Variants in MAP2K3 observed in about 807,000 individuals in gnomAD.
The protein encoded by MAP2K3 is dual specificity mitogen-activated protein kinase kinase 3.
A neutral mutation model predicts 46.4 loss-of-function variants in MAP2K3; 30 were observed. That is an observed-to-expected ratio of 0.65 (90% CI 0.48 to 0.88). The LOEUF (loss-of-function observed/expected upper bound fraction) is 0.88, where lower values mean the gene tolerates loss of function less well. Ranked by LOEUF, MAP2K3 falls within the 40% of genes least tolerant of loss-of-function variation. MAP2K3 has a pLI of 0.00. For missense variants in MAP2K3, 380 were observed against 464.5 expected (o/e 0.82, Z 1.67); for synonymous variants, 189 against 176.3 (o/e 1.07, Z -0.57).
intron 8 of MAP2K3, among the ~76,000 whole-genome samples, 193 bp downstream of exon 8, chr17:21,304,746 C>T (rs1318714930): frequency 6.6e-6 from 1 of 152,312 alleles, no homozygotes; most frequent in Non-Finnish European, 1.5e-5. Context: ...TAACTGACCC[C>T]CACAGTGCCC....
At chr17:21,285,663 T>C (rs1597795312) in intron 1 of MAP2K3, among the ~76,000 whole-genome samples, 1 of 152,182 alleles carries the variant, frequency 6.6e-6, no homozygotes, top group East Asian at 1.9e-4. Context: ...GCCCCCTCTC[T>C]ACCGGCCTCT....
intron 10 of MAP2K3, among the ~76,000 whole-genome samples, chr17:21,313,025 G>A (rs1265103476): frequency 1.3e-5 from 2 of 152,088 alleles, no homozygotes; most frequent in South Asian, 2.1e-4. Flanking sequence ...AGAAGCGGCC[G>A]GGTGCGGTGG....
chr17:21,290,468 G>T (rs865936138), intron 1 of MAP2K3, among the ~76,000 whole-genome samples: 117 of 152,416 alleles, frequency 7.7e-4, no homozygotes, highest in African/African-American at 2.7e-3. Flanking sequence ...GGGAAAGTCT[G>T]CAGGGACTTC....
intron 5 of MAP2K3, 55 bp downstream of exon 5, chr17:21,301,048 T>G (rs1976571332): frequency 6.2e-7 from 1 of 1,612,674 alleles, no homozygotes; most frequent in Non-Finnish European, 8.5e-7. Context: ...ATCAGTCGCC[T>G]GCAACCCACT....
At chr17:21,305,969 C>A (rs1037680066) in intron 9 of MAP2K3, among the ~76,000 whole-genome samples, 1 of 152,306 alleles carries the variant, frequency 6.6e-6, no homozygotes, top group East Asian at 1.9e-4. Context: ...TGTCCCTAGT[C>A]CCTTTGACTG....
chr17:21,292,373 T>C (rs908633118), intron 1 of MAP2K3, among the ~76,000 whole-genome samples: 1 of 152,304 alleles, frequency 6.6e-6, no homozygotes, highest in African/African-American at 2.4e-5. Context: ...CAGCATTTTC[T>C]TTCCTTCTTC....
chr17:21,291,657 GA>G, intron 1 of MAP2K3: 1 of 449,100 alleles, frequency 2.2e-6, no homozygotes, highest in Non-Finnish European at 4.5e-6. Context: ...CACAGTGTGG[GA>G]GCCTGGGGCC....
chr17:21,312,591 T>C (rs1421999040), intron 10 of MAP2K3, among the ~76,000 whole-genome samples: 1 of 152,124 alleles, frequency 6.6e-6, no homozygotes. Flanking sequence ...TTGTACCAAA[T>C]TAAAGAATGC....
In MAP2K3 at chr17:21,311,765, C is replaced by T. The variant is rs542579487; in HGVS notation, c.775-377C>T. On this transcript the variant is annotated intron_variant, in intron 9 of 11. Coordinates refer to ENST00000342679, the MANE Select transcript of MAP2K3 (RefSeq NM_145109.3). ...GGGATTGGCTGTGACCACCTGGGAC[C>T]TGCCCACCTGGCTCATGAGGCTACG... 3 of 179,260 alleles carry T rather than the reference C, an allele frequency of 1.7e-5. No individual in the cohort carries two copies. In the South Asian group the frequency reaches 4.4e-4, roughly 26 times the overall value. The allele number at this position is 179,260 out of a possible 1,614,324, so 11.1% of individuals were successfully genotyped here. A position where few individuals can be genotyped will look rare whatever the true frequency, so the allele number is the denominator to read the frequency against.
At chr17:21,305,210 A>T in intron 9 of MAP2K3, 82 bp downstream of exon 9, 1 of 1,533,656 alleles carries the variant, frequency 6.5e-7, no homozygotes, top group Non-Finnish European at 9.0e-7. Flanking sequence ...CTTTTGGGGG[A>T]CTCATCAAAT....
chr17:21,310,631 G>A (rs756902723), intron 9 of MAP2K3, among the ~76,000 whole-genome samples: 1 of 152,250 alleles, frequency 6.6e-6, no homozygotes, highest in Non-Finnish European at 1.5e-5. Flanking sequence ...GGGTCATGCC[G>A]GGGATGGCCC....
At chr17:21,301,019 GGA>G in intron 5 of MAP2K3, 26 bp downstream of exon 5, 1 of 1,613,884 alleles carries the variant, frequency 6.2e-7, no homozygotes, top group Middle Eastern at 1.6e-4. Flanking sequence ...ATGCAGCTGG[GGA>G]TCTCCACCTC....
intron 1 of MAP2K3, among the ~76,000 whole-genome samples, chr17:21,297,847 C>T (rs1469445723): frequency 4.0e-4 from 2 of 4,998 alleles, no homozygotes; most frequent in South Asian, 4.6e-3. Context: ...AAACGGGCAT[C>T]GGGTGTCGGC....
intron 11 of MAP2K3, 43 bp from the exon 12 acceptor site, chr17:21,314,104 C>T (rs1977292750): frequency 6.6e-7 from 1 of 1,509,358 alleles, no homozygotes; most frequent in Non-Finnish European, 9.2e-7. Flanking sequence ...ACCTCTCCCT[C>T]CCGCTACCCC....
At position 21,298,429 on chromosome 17, in the gene MAP2K3, G is replaced by A. The variant is rs756768384; in HGVS notation, c.66G>A (p.Lys22=). ...CCATTCTAGGAAAATCCAAGAGGAA[G>A]AAGGATCTACGGATATCCTGCATGT... is the stretch of plus-strand genomic sequence containing the variant. The part of the protein sequence containing the change: ...MPQSKGKSKR[K]KDLRISCMSK... Residue 22 remains lysine (K), a synonymous_variant, in exon 2 of 12, where the codon AAG becomes AAA. Coordinates refer to ENST00000342679, the MANE Select transcript of MAP2K3 (RefSeq NM_145109.3). 1 of 1,614,316 alleles carries A rather than the reference G, an allele frequency of 6.2e-7. No homozygotes were observed. Among genetic ancestry groups the A allele is most frequent in the Non-Finnish European group, 8.5e-7 (1 of 1,180,060 alleles).
chr17:21,291,828 G>T, intron 1 of MAP2K3: 1 of 353,048 alleles, frequency 2.8e-6, no homozygotes, highest in East Asian at 7.5e-5. Flanking sequence ...TCAAGGTCAC[G>T]AAGGACTGTC....
rs1305420453 is a variant in MAP2K3 at position 21,314,267 on chromosome 17, C to T, written c.*37C>T. 16 of 1,543,704 alleles carry T rather than the reference C, an allele frequency of 1.0e-5. No individual in the cohort carries two copies. Among genetic ancestry groups the T allele is most frequent in the Non-Finnish European group, 1.3e-5 (15 of 1,117,614 alleles). On this transcript the variant is annotated 3_prime_UTR_variant, in exon 12 of 12. Transcript: ENST00000342679. ...CGGACCCCACTCCGGCCCTCCAGAG[C>T]CCCACAGCCCCATCTGCGGGGGCAG...
In MAP2K3 at chr17:21,295,800, GC is replaced by G. The variant is rs201306168; in HGVS notation, c.50-2611del. The G allele has an allele frequency of 2.6e-3, 3,381 of 1,283,344 alleles. No homozygotes were observed. In the African/African-American group the frequency reaches 0.034, roughly 13 times the overall value. The allele number at this position is 1,283,344 out of a possible 1,614,324, so 79.5% of individuals were successfully genotyped here. A position where few individuals can be genotyped will look rare whatever the true frequency, so the allele number is the denominator to read the frequency against. On this transcript the variant is annotated intron_variant, in intron 1 of 11. Transcript: ENST00000342679. ...GAAACTGAGGCTTGGTGAAGGGGGG[GC>G]CACATGATACAACATTCCCAAATCC...
chr17:21,284,819 C>T lies in MAP2K3; in HGVS notation c.-102C>T. The T allele has an allele frequency of 1.5e-6, 2 of 1,332,528 alleles. No individual in the cohort carries two copies. The highest frequency in any genetic ancestry group is 2.0e-6 in the Non-Finnish European group (2 of 999,418). 82.5% of individuals were successfully genotyped at this position (1,332,528 alleles called of 1,614,324 possible). ...GCCGCCGCCGCCGCTGCTCCTCCGC[C>T]TGGCCTGGGCCGTCTGCCCGCAGCC... On this transcript the variant is annotated 5_prime_UTR_variant, in exon 1 of 12. Transcript: ENST00000342679.
Sources: allele counts gnomAD v4.1 joint callset (sites outside exome capture counted in the v4.1 genomes callset), GRCh38; gene constraint gnomAD v4.1.1; transcripts MANE v1.5; gene names NCBI Gene and HGNC (gene_info 2026-07-23, HGNC 2026-07-21).